Variants in FER observed in about 807,000 individuals in gnomAD.
FER encodes the protein tyrosine-protein kinase Fer.
A neutral mutation model predicts 111.0 loss-of-function variants in FER; 63 were observed. The ratio of observed to expected loss-of-function variants is 0.57; its 90% confidence interval spans 0.46 to 0.70. FER has a LOEUF of 0.70. Among genes scored for constraint, FER ranks in the 30% least tolerant of loss-of-function variants. FER has a pLI of 0.00. For synonymous variants in FER, 327 were observed against 313.9 expected, an observed-to-expected ratio of 1.04 and a Z score of -0.44; for missense variants, 914 against 954.0, an observed-to-expected ratio of 0.96 and a Z score of 0.55.
chr5:108,841,465 G>T (rs987547544), intron 5 of FER, among the ~76,000 whole-genome samples: 10 of 152,142 alleles, frequency 6.6e-5, no homozygotes, highest in Non-Finnish European at 1.3e-4. Flanking sequence ...GTATATATTA[G>T]GAAATAAATA....
chr5:109,171,909 A>T (rs1016390232), intron 17 of FER, among the ~76,000 whole-genome samples: 1 of 152,220 alleles, frequency 6.6e-6, no homozygotes, highest in Non-Finnish European at 1.5e-5. Context: ...GCCATCAGAG[A>T]AATGCAAATC....
intron 16 of FER, among the ~76,000 whole-genome samples, chr5:109,087,732 C>A (rs1269922230): frequency 6.6e-6 from 1 of 151,128 alleles, no homozygotes; most frequent in Non-Finnish European, 1.5e-5. Context: ...CTTATTTTGC[C>A]TCAATGTATG....
intron 11 of FER, among the ~76,000 whole-genome samples, chr5:108,947,711 G>A (rs1240150587): frequency 6.7e-6 from 1 of 149,166 alleles, no homozygotes; most frequent in African/African-American, 2.5e-5. Context: ...TTTTTTCCTT[G>A]ACTGTGTGTG....
At chr5:108,899,258 A>T (rs186094259) in intron 10 of FER, among the ~76,000 whole-genome samples, 170 of 152,280 alleles carry the variant, frequency 1.1e-3, no homozygotes, top group African/African-American at 3.9e-3. Flanking sequence ...TGAATTGTGA[A>T]TTATGAATCC....
intron 3 of FER, 150 bp downstream of exon 3, chr5:108,798,539 G>T: frequency 1.4e-6 from 1 of 739,474 alleles, no homozygotes; most frequent in Non-Finnish European, 2.2e-6. Context: ...TCATGGAGAA[G>T]TTTTTAAAAA....
intron 1 of FER, among the ~76,000 whole-genome samples, chr5:108,766,979 C>G (rs1336069980): frequency 2.0e-5 from 3 of 152,170 alleles, no homozygotes; most frequent in Admixed American, 6.5e-5. Context: ...ACAGCCAATT[C>G]AAGGATCATA....
intron 1 of FER, among the ~76,000 whole-genome samples, chr5:108,764,053 G>A (rs1404070645): frequency 6.6e-6 from 1 of 152,088 alleles, no homozygotes; most frequent in South Asian, 2.1e-4. Flanking sequence ...TTGCGAGAAG[G>A]AATATGCTGA....
chr5:109,112,545 T>G (rs1487982369), intron 17 of FER, among the ~76,000 whole-genome samples: 1 of 152,156 alleles, frequency 6.6e-6, no homozygotes, highest in African/African-American at 2.4e-5. Flanking sequence ...GAGATCACTA[T>G]GCCCGGAGGT....
At chr5:108,879,478 T>C (rs893370403) in intron 8 of FER, among the ~76,000 whole-genome samples, 7 of 151,826 alleles carry the variant, frequency 4.6e-5, no homozygotes, top group African/African-American at 1.2e-4. Flanking sequence ...GTTACTATTA[T>C]ATTTGTATAC....
intron 2 of FER, among the ~76,000 whole-genome samples, chr5:108,777,732 G>C (rs960078147): frequency 1.3e-5 from 2 of 152,176 alleles, no homozygotes; most frequent in African/African-American, 4.8e-5. Context: ...ACATGACTGG[G>C]GAGGCCTCAC....
At chr5:109,074,704 A>G (rs576051211) in intron 16 of FER, among the ~76,000 whole-genome samples, 1 of 152,350 alleles carries the variant, frequency 6.6e-6, no homozygotes, top group South Asian at 2.1e-4. Context: ...TCTTCATGGA[A>G]ATTGAAGAGT....
chr5:108,834,977 A>T (rs1387209776), intron 4 of FER, among the ~76,000 whole-genome samples: 2 of 152,118 alleles, frequency 1.3e-5, no homozygotes, highest in African/African-American at 2.4e-5. Context: ...AAATTTGAAG[A>T]TCTGTAGACA....
At chr5:108,909,212 A>G (rs1751209583) in intron 10 of FER, among the ~76,000 whole-genome samples, 2 of 152,194 alleles carry the variant, frequency 1.3e-5, no homozygotes, top group Non-Finnish European at 2.9e-5. Context: ...TATAAAGAGA[A>G]TGTGTGAATG....
At position 109,010,977 on chromosome 5, in the gene FER, A is replaced by G. The variant is rs376275652; in HGVS notation, c.1657-26445A>G. Among the ~76,000 whole-genome samples the G allele has an allele frequency of 1.2e-4, 18 of 152,354 alleles. No homozygotes were observed. In the South Asian group the frequency reaches 3.7e-3, roughly 32 times the overall value. ...GAACATACATATGGAAAAATGTAAA[A>G]GGAATTAAAAATTACCCATGAGCCT... On this transcript the variant is annotated intron_variant, in intron 13 of 19. Coordinates refer to ENST00000281092, the MANE Select transcript of FER (RefSeq NM_005246.4).
Position 109,024,850 on chromosome 5 carries a change from T to G in FER, c.1657-12572T>G, listed in dbSNP as rs1016664376. 5.3e-5 allele frequency among the ~76,000 whole-genome samples: 8 copies of G among 152,036 alleles called. 1 individual carries two copies. Among genetic ancestry groups the G allele is most frequent in the African/African-American group, 1.9e-4 (8 of 41,504 alleles). ...GCTTTCTACATATGGCTAGCCAGTT[T>G]TCCCAGCACCATTTATTAAATAGGG... On this transcript the variant is annotated intron_variant, in intron 13 of 19. Coordinates refer to ENST00000281092, the MANE Select transcript of FER (RefSeq NM_005246.4).
intron 17 of FER, among the ~76,000 whole-genome samples, chr5:109,134,510 A>T (rs1752689702): frequency 1.3e-5 from 2 of 152,200 alleles, no homozygotes; most frequent in South Asian, 4.1e-4. Flanking sequence ...GCTGCTTTAG[A>T]GGCCTGTCCT....
intron 13 of FER, among the ~76,000 whole-genome samples, chr5:108,974,294 A>G (rs1465587946): frequency 6.6e-6 from 1 of 152,180 alleles, no homozygotes; most frequent in Admixed American, 6.5e-5. Flanking sequence ...TAGGGGACAT[A>G]GTATGTTAGA....
At chr5:108,958,258 C>T (rs1472639785) in intron 12 of FER, among the ~76,000 whole-genome samples, 1 of 151,580 alleles carries the variant, frequency 6.6e-6, no homozygotes, top group Non-Finnish European at 1.5e-5. Flanking sequence ...TCCAGTAATG[C>T]AAGTAATGTC....
chr5:109,059,442 C>A lies in FER; in HGVS notation c.1924+12244C>A, dbSNP rs541678719. Reference sequence around the variant, plus strand: ...ACTTGGGAAGCTGAGGCAGGAGAATCGCTTGAACCCGGGAGGCGGAGGTTG... The same window carrying A: ...ACTTGGGAAGCTGAGGCAGGAGAATAGCTTGAACCCGGGAGGCGGAGGTTG... On this transcript the variant is annotated intron_variant, in intron 16 of 19. Transcript: ENST00000281092. 3.3e-5 allele frequency among the ~76,000 whole-genome samples: 5 copies of A among 151,992 alleles called. No individual in the cohort carries two copies. In the South Asian group the frequency reaches 1.0e-3, roughly 32 times the overall value.
Sources: allele counts gnomAD v4.1 joint callset (sites outside exome capture counted in the v4.1 genomes callset), GRCh38; gene constraint gnomAD v4.1.1; transcripts MANE v1.5; gene names NCBI Gene and HGNC (gene_info 2026-07-23, HGNC 2026-07-21).